PARP1: variants seen among roughly 807,000 people sequenced by gnomAD.
PARP1 encodes the protein poly [ADP-ribose] polymerase 1.
A neutral mutation model predicts 118.7 loss-of-function variants in PARP1; 44 were observed. The ratio of observed to expected loss-of-function variants is 0.37; its 90% CI spans 0.29 to 0.48. The LOEUF (loss-of-function observed/expected upper bound fraction) is 0.48, where lower values mean the gene tolerates loss of function less well. Among genes scored for constraint, PARP1 ranks in the 20% least tolerant of loss-of-function variants. PARP1 has a pLI of 0.99. For missense variants in PARP1, 1,100 were observed against 1,272.4 expected, an observed-to-expected ratio of 0.86 and a Z score of 2.06; for synonymous variants, 492 against 483.2, an observed-to-expected ratio of 1.02 and a Z score of -0.24.
intron 2 of PARP1, among the ~76,000 whole-genome samples, chr1:226,397,882 G>A (rs935454153): frequency 6.7e-6 from 1 of 149,492 alleles, no homozygotes; most frequent in African/African-American, 2.5e-5. Flanking sequence ...ACTGATCTTT[G>A]ACAAAAAAGT....
intron 11 of PARP1, 100 bp from the exon 12 acceptor site, chr1:226,379,374 TA>T: frequency 6.8e-7 from 1 of 1,472,548 alleles, no homozygotes; most frequent in East Asian, 2.3e-5. Context: ...GCCTCTTGGA[TA>T]CACTACCACC....
At chr1:226,407,535 GGAGAA>G (rs1216203467) in intron 1 of PARP1, among the ~76,000 whole-genome samples, 7 of 152,166 alleles carry the variant, frequency 4.6e-5, no homozygotes, top group Admixed American at 6.5e-5. Context: ...CACCCAGAAA[GGAGAA>G]GAGAAGAGGC....
At chr1:226,393,081 C>T (rs1664850508) in intron 2 of PARP1, 2 of 1,102,182 alleles carry the variant, frequency 1.8e-6, no homozygotes, top group Admixed American at 3.6e-5. Flanking sequence ...TTTGATATTC[C>T]TAAGAGATAT....
At chr1:226,395,219 G>C (rs1664892247) in intron 2 of PARP1, among the ~76,000 whole-genome samples, 1 of 152,030 alleles carries the variant, frequency 6.6e-6, no homozygotes, top group South Asian at 2.1e-4. Flanking sequence ...ACAGGATGGA[G>C]GCTACTCAAA....
At chr1:226,363,045 T>C in intron 21 of PARP1, 54 bp downstream of exon 21, 1 of 1,266,618 alleles carries the variant, frequency 7.9e-7, no homozygotes, top group South Asian at 1.2e-5. Flanking sequence ...GCCCCCGGCT[T>C]CTGTGCTGTC....
Position 226,365,114 on chromosome 1 carries a change from T to C in PARP1, c.2546A>G (p.Lys849Arg). The change falls in exon 19 of 23, where the codon AAG (lysine) becomes AGG (arginine). Residue 849 changes from lysine to arginine, a missense_variant. This residue lies in a region of PARP1 where 152 missense variants were observed against 240.6 expected (regional missense o/e 0.63). Coordinates refer to ENST00000366794, the MANE Select transcript of PARP1 (RefSeq NM_001618.4). Reference sequence around the variant, plus strand: ...TCGGTTATGAAGCTGCTTAAAGGGCTTGTAACGCTGGCATTCGCCTTCACG... The same window carrying C: ...TCGGTTATGAAGCTGCTTAAAGGGCCTGTAACGCTGGCATTCGCCTTCACG... ...IEREGECQRY[K>R]PFKQLHNRRL... The C allele has an allele frequency of 1.2e-6, 2 of 1,614,230 alleles. No individual in the cohort carries two copies. The highest frequency in any genetic ancestry group is 1.3e-5 in the African/African-American group (1 of 75,078).
At chr1:226,390,728 C>A in intron 3 of PARP1, 104 bp from the exon 4 acceptor site, 1 of 1,014,910 alleles carries the variant, frequency 9.9e-7, no homozygotes. Context: ...AGGGTCCAAG[C>A]CAAGGCCTGC....
intron 17 of PARP1, chr1:226,366,967 G>C (rs888767274): frequency 5.1e-5 from 10 of 197,968 alleles, no homozygotes; most frequent in Admixed American, 4.8e-4. Context: ...CCTCTAGTTG[G>C]TCTAAGCGGG....
intron 2 of PARP1, among the ~76,000 whole-genome samples, chr1:226,396,076 T>C (rs997628453): frequency 6.6e-6 from 1 of 152,216 alleles, no homozygotes; most frequent in Non-Finnish European, 1.5e-5. Context: ...CCAGGCGCAG[T>C]GGCTCACGCC....
chr1:226,377,635 T>A (rs961871181), intron 12 of PARP1, among the ~76,000 whole-genome samples: 1 of 152,138 alleles, frequency 6.6e-6, no homozygotes, highest in African/African-American at 2.4e-5. Flanking sequence ...CAAAGTACTA[T>A]CTGGAAGTCA....
intron 2 of PARP1, among the ~76,000 whole-genome samples, chr1:226,395,155 A>G (rs758875242): frequency 6.6e-5 from 10 of 151,992 alleles, no homozygotes; most frequent in Non-Finnish European, 1.3e-4. Context: ...ACGAATGAGG[A>G]CAAATTGGAA....
At chr1:226,363,233 A>G (rs1222425359) in intron 20 of PARP1, 73 bp from the exon 21 acceptor site, 25 of 949,424 alleles carry the variant, frequency 2.6e-5, no homozygotes, top group Non-Finnish European at 4.2e-5. Context: ...GATTAGGAGA[A>G]TAAGATCAGA....
At chr1:226,379,069 T>A in intron 12 of PARP1, 73 bp downstream of exon 12, 1 of 1,592,104 alleles carries the variant, frequency 6.3e-7, no homozygotes, top group South Asian at 1.1e-5. Context: ...TTCACAAGGC[T>A]GATGGCACAG....
chr1:226,360,822 A>T lies in PARP1; in HGVS notation c.*638T>A, dbSNP rs543769554. Reference sequence around the variant, plus strand: ...AAGAATTTCAAATGCAACTTTTAATACTACATATTTCAAGAGCTCCCATGT... The same window carrying T: ...AAGAATTTCAAATGCAACTTTTAATTCTACATATTTCAAGAGCTCCCATGT... On this transcript the variant is annotated 3_prime_UTR_variant, in exon 23 of 23. Coordinates refer to ENST00000366794, the MANE Select transcript of PARP1 (RefSeq NM_001618.4). 2 of 228,516 alleles carry T rather than the reference A, an allele frequency of 8.8e-6. No individual in the cohort carries two copies. Among genetic ancestry groups the T allele is most frequent in the South Asian group, 3.6e-4 (2 of 5,492 alleles). The allele number at this position is 228,516 out of a possible 1,614,324, so 14.2% of individuals were successfully genotyped here.
intron 9 of PARP1, 139 bp from the exon 10 acceptor site, chr1:226,380,303 C>T (rs1393445774): frequency 5.8e-6 from 5 of 864,614 alleles, no homozygotes; most frequent in Middle Eastern, 3.3e-4. Flanking sequence ...GTCTAATGCT[C>T]CCAAGAGTGT....
rs902506878 is a variant in PARP1 at position 226,407,987 on chromosome 1, T to TGCCGCCTC, written c.-66_-59dup. ...CCGACGCCACGACCTAGAAACACGC[T>TGCCGCCTC]GCCGCCTCGCCGCCTCGCGTGCGCT... On this transcript the variant is annotated 5_prime_UTR_variant, in exon 1 of 23. Transcript: ENST00000366794. 1.0e-4 allele frequency: 163 copies of TGCCGCCTC among 1,607,178 alleles called. No homozygotes were observed. The highest frequency in any genetic ancestry group is 3.3e-4 in the African/African-American group (25 of 74,860).
chr1:226,405,096 G>T (rs1407817322), intron 1 of PARP1, among the ~76,000 whole-genome samples: 1 of 152,126 alleles, frequency 6.6e-6, no homozygotes, highest in Non-Finnish European at 1.5e-5. Context: ...GTAAAAGAAG[G>T]TATTTAAATT....
intron 4 of PARP1, among the ~76,000 whole-genome samples, 171 bp downstream of exon 4, chr1:226,390,239 C>T (rs966278675): frequency 1.3e-5 from 2 of 152,154 alleles, no homozygotes; most frequent in African/African-American, 4.8e-5. Flanking sequence ...TTTCCCTACC[C>T]TGTCCTTTGC....
At position 226,362,049 on chromosome 1, in the gene PARP1, G is replaced by A; in HGVS notation, c.2883C>T (p.Asn961=). Residue 961 remains asparagine, a synonymous_variant, in exon 22 of 23, where the codon AAC becomes AAT. Coordinates refer to ENST00000366794, the MANE Select transcript of PARP1 (RefSeq NM_001618.4). The part of the protein sequence containing the change: ...LGKTTPDPSA[N]ISLDGVDVPL... ...GAACGTCTACACCATCCAGACTAAT[G>A]TTAGCTGAAGGATCAGGGGTAGTTT... is the stretch of plus-strand genomic sequence containing the variant. 1 of 1,613,786 alleles carries A rather than the reference G, an allele frequency of 6.2e-7. No individual in the cohort carries two copies. The highest frequency in any genetic ancestry group is 8.5e-7 in the Non-Finnish European group (1 of 1,179,638).
Sources: allele counts gnomAD v4.1 joint callset (sites outside exome capture counted in the v4.1 genomes callset), GRCh38; gene constraint gnomAD v4.1.1; regional missense constraint gnomAD v4.1.1; transcripts MANE v1.5; gene names NCBI Gene and HGNC (gene_info 2026-07-23, HGNC 2026-07-21).